Variants in DAB1 observed in about 807,000 individuals in gnomAD.
DAB1 encodes the protein DAB adaptor protein 1.
In DAB1, 15 loss-of-function variants were observed where a neutral mutation model predicts 64.6. That is an observed-to-expected ratio of 0.23 (90% CI 0.16 to 0.36). The LOEUF is 0.36. Ranked by LOEUF, DAB1 falls within the 10% of genes least tolerant of loss-of-function variation. The probability of loss-of-function intolerance (pLI) is 1.00; values close to 1 mark genes in which losing one functional copy is unlikely to be tolerated. For synonymous variants in DAB1, 235 were observed against 251.9 expected (o/e 0.93, Z 0.64); for missense variants, 596 against 706.7 (o/e 0.84, Z 1.78).
chr1:57,196,746 C>T (rs761146098), intron 2 of DAB1, among the ~76,000 whole-genome samples: 5 of 152,074 alleles, frequency 3.3e-5, no homozygotes, highest in Non-Finnish European at 5.9e-5. Flanking sequence ...TGGAGGTATA[C>T]GATAATAAGT....
chr1:57,360,105 T>C (rs1257963476), intron 1 of DAB1, among the ~76,000 whole-genome samples: 3 of 152,100 alleles, frequency 2.0e-5, no homozygotes, highest in Non-Finnish European at 4.4e-5. Context: ...TCTCACCAAG[T>C]ATGCAAGGTA....
At chr1:57,493,830 C>G (rs1402166563) in intron 7 of DAB1, among the ~76,000 whole-genome samples, 2 of 151,820 alleles carry the variant, frequency 1.3e-5, no homozygotes, top group African/African-American at 4.9e-5. Flanking sequence ...GTCCACCCCA[C>G]TGAAAGAGCC....
chr1:57,792,525 C>T (rs145538398), intron 6 of DAB1, among the ~76,000 whole-genome samples: 1,602 of 152,246 alleles, frequency 0.011, 21 homozygotes, highest in African/African-American at 0.037. Flanking sequence ...TGTCTTTTTC[C>T]AGAAGCTACC....
intron 3 of DAB1, among the ~76,000 whole-genome samples, chr1:58,372,185 G>A (rs1207266832): frequency 6.6e-6 from 1 of 152,242 alleles, no homozygotes; most frequent in South Asian, 2.1e-4. Context: ...GTACCCTGCA[G>A]AGCCACAGAG....
intron 4 of DAB1, among the ~76,000 whole-genome samples, chr1:57,085,673 A>G (rs929396867): frequency 3.9e-5 from 6 of 152,212 alleles, no homozygotes; most frequent in Admixed American, 2.0e-4. Context: ...CTTCATGTGT[A>G]TAATTACCTG....
chr1:57,773,102 C>A (rs997948654), intron 6 of DAB1, among the ~76,000 whole-genome samples: 2 of 151,948 alleles, frequency 1.3e-5, no homozygotes, highest in Non-Finnish European at 1.5e-5. Flanking sequence ...AGGACCATAG[C>A]CCTACTGATA....
At chr1:57,501,291 G>A (rs538481104) in intron 7 of DAB1, among the ~76,000 whole-genome samples, 1 of 152,214 alleles carries the variant, frequency 6.6e-6, no homozygotes, top group Admixed American at 6.5e-5. Context: ...AGCCATCAGG[G>A]AGAATGGAGG....
intron 7 of DAB1, among the ~76,000 whole-genome samples, chr1:57,460,884 T>C (rs1686758931): frequency 6.6e-6 from 1 of 152,154 alleles, no homozygotes; most frequent in Non-Finnish European, 1.5e-5. Flanking sequence ...ATGTACCTTA[T>C]CTGATTTTTT....
chr1:57,449,037 G>A (rs1467019421), intron 7 of DAB1, among the ~76,000 whole-genome samples: 1 of 152,040 alleles, frequency 6.6e-6, no homozygotes, highest in Non-Finnish European at 1.5e-5. Flanking sequence ...TTTGTCTTGA[G>A]TAAACACTCA....
At chr1:57,705,595 A>G (rs1646957384) in intron 6 of DAB1, among the ~76,000 whole-genome samples, 2 of 152,130 alleles carry the variant, frequency 1.3e-5, no homozygotes, top group Admixed American at 1.3e-4. Context: ...TTGACTTAAA[A>G]TATAAAGTTA....
chr1:58,249,691 C>T (rs966265881), intron 4 of DAB1, among the ~76,000 whole-genome samples: 1 of 152,116 alleles, frequency 6.6e-6, no homozygotes, highest in Non-Finnish European at 1.5e-5. Context: ...CAGTCGTCGA[C>T]GCGGATGAAG....
chr1:57,285,776 A>G (rs1003887639), intron 2 of DAB1, among the ~76,000 whole-genome samples: 2 of 152,232 alleles, frequency 1.3e-5, no homozygotes, highest in African/African-American at 4.8e-5. Flanking sequence ...CTAAGCTGCC[A>G]GATGGCACTG....
intron 1 of DAB1, among the ~76,000 whole-genome samples, chr1:57,870,495 T>C (rs1393514538): frequency 2.0e-5 from 3 of 152,190 alleles, no homozygotes; most frequent in Non-Finnish European, 4.4e-5. Context: ...CACTTTCCAC[T>C]ACAGGATCTT....
intron 1 of DAB1, among the ~76,000 whole-genome samples, chr1:57,389,988 G>A (rs1245044418): frequency 6.6e-6 from 1 of 152,168 alleles, no homozygotes; most frequent in Non-Finnish European, 1.5e-5. Flanking sequence ...AGCTTTTAGT[G>A]CAGGGTCACA....
chr1:58,093,959 C>T (rs930006859), intron 5 of DAB1, among the ~76,000 whole-genome samples: 3 of 152,170 alleles, frequency 2.0e-5, no homozygotes, highest in Non-Finnish European at 2.9e-5. Flanking sequence ...CTATGTGTTC[C>T]AGGCTCCTGC....
intron 1 of DAB1, among the ~76,000 whole-genome samples, chr1:57,412,747 A>C (rs1043168001): frequency 6.6e-6 from 1 of 152,218 alleles, no homozygotes; most frequent in African/African-American, 2.4e-5. Context: ...ACCTTGGTTC[A>C]TGAATTATAA....
intron 8 of DAB1, among the ~76,000 whole-genome samples, chr1:57,067,157 G>GA (rs1041322130): frequency 1.3e-5 from 2 of 152,166 alleles, no homozygotes; most frequent in African/African-American, 2.4e-5. Context: ...CTTTCCAATA[G>GA]AAGGAGATAA....
In DAB1 at chr1:58,281,585, G is replaced by A. The variant is rs939503128; in HGVS notation, n.309+61767C>T. Among the ~76,000 whole-genome samples, 9 of 151,198 alleles carry A rather than the reference G, an allele frequency of 6.0e-5. No homozygotes were observed. The South Asian group carries it at 8.3e-4, about 14-fold the overall frequency. On this transcript the variant is annotated intron_variant and non_coding_transcript_variant, in intron 4 of 20. Coordinates refer to the DAB1 transcript ENST00000485760. Reference sequence around the variant, plus strand: ...CAGCAAGAGTGTTTTTTTTTCTATAGTGCAGATGTTCCTCTCCTACTTAAT... The same window carrying A: ...CAGCAAGAGTGTTTTTTTTTCTATAATGCAGATGTTCCTCTCCTACTTAAT...
At chr1:58,218,872 G>A (rs542410460) in intron 4 of DAB1, among the ~76,000 whole-genome samples, 53 of 152,086 alleles carry the variant, frequency 3.5e-4, no homozygotes, top group African/African-American at 1.2e-3. Flanking sequence ...CTATCAACAC[G>A]CAGTGCATCA....
Sources: gnomAD v4.1 joint callset for allele counts (sites outside exome capture counted in the v4.1 genomes callset) on GRCh38, gnomAD v4.1.1 for gene constraint, MANE v1.5 for transcripts, NCBI Gene and HGNC (gene_info 2026-07-23, HGNC 2026-07-21) for gene names.